The following SIPA1L1 variants were observed in gnomAD, a reference collection of about 807,000 sequenced individuals.
SIPA1L1 encodes signal-induced proliferation-associated 1-like protein 1.
A neutral mutation model predicts 162.7 loss-of-function variants in SIPA1L1; 26 were observed. The ratio of observed to expected loss-of-function variants is 0.16; its 90% CI spans 0.12 to 0.22. SIPA1L1 has a LOEUF of 0.22. Ranked by LOEUF, SIPA1L1 falls within the 10% of genes least tolerant of loss-of-function variation. SIPA1L1 has a pLI of 1.00. For synonymous variants in SIPA1L1, 829 were observed against 837.4 expected (o/e 0.99, Z 0.17); for missense variants, 1,874 against 2,241.0 (o/e 0.84, Z 3.31).
rs139855864 is a variant in SIPA1L1 at position 71,694,792 on chromosome 14, C to T, written c.3375-4189C>T. Among the ~76,000 whole-genome samples the T allele has an allele frequency of 4.0e-4, 61 of 152,316 alleles. No individual in the cohort carries two copies. In the East Asian group the frequency reaches 9.3e-3, roughly 23 times the overall value. ...GCATTAACATCAGACGTTTGGGGCT[C>T]TTTAAGCAGAAAGATCTGGATTTAT... On this transcript the variant is annotated intron_variant, in intron 13 of 23. Coordinates refer to ENST00000381232, the MANE Select transcript of SIPA1L1 (RefSeq NM_001386936.1).
chr14:71,336,561 G>A (rs1052302909), intron 2 of SIPA1L1, among the ~76,000 whole-genome samples: 1 of 152,078 alleles, frequency 6.6e-6, no homozygotes, highest in Non-Finnish European at 1.5e-5. Flanking sequence ...CAGATTTAAG[G>A]ATTCAAAACC....
At chr14:71,621,467 C>T (rs1020804094) in intron 6 of SIPA1L1, among the ~76,000 whole-genome samples, 1 of 152,180 alleles carries the variant, frequency 6.6e-6, no homozygotes, top group African/African-American at 2.4e-5. Context: ...CTCAGATGCC[C>T]GTCATTCCTC....
chr14:71,408,732 C>G (rs1193036621), intron 2 of SIPA1L1, among the ~76,000 whole-genome samples: 3 of 152,192 alleles, frequency 2.0e-5, no homozygotes, highest in African/African-American at 7.2e-5. Context: ...GTAGGAATCT[C>G]TTCCTTAGAA....
chr14:71,492,881 C>T (rs1188885879), intron 2 of SIPA1L1, among the ~76,000 whole-genome samples: 1 of 151,896 alleles, frequency 6.6e-6, no homozygotes, highest in Non-Finnish European at 1.5e-5. Flanking sequence ...CCACCGTGGC[C>T]TCCCAAAGTG....
rs140872739 is a variant in SIPA1L1, at chr14:71,410,909, C to G, written c.-465+89728C>G. ...GGTTAAATACATAGAATTCCTTCCC[C>G]CCTCCCTCCATACCTGTCTTTCTTT... On this transcript the variant is annotated intron_variant, in intron 2 of 23. Transcript: ENST00000381232. Among the ~76,000 whole-genome samples the G allele has an allele frequency of 5.1e-3, 780 of 152,258 alleles. 5 individuals are homozygous for G. Among genetic ancestry groups the G allele is most frequent in the African/African-American group, 0.018 (733 of 41,546 alleles).
intron 13 of SIPA1L1, among the ~76,000 whole-genome samples, chr14:71,693,916 A>G (rs931428481): frequency 2.6e-5 from 4 of 152,134 alleles, no homozygotes; most frequent in Admixed American, 1.3e-4. Flanking sequence ...TCACTTGTTT[A>G]TACCACCAGC....
chr14:71,531,983 A>G (rs2053487068), intron 4 of SIPA1L1, among the ~76,000 whole-genome samples: 1 of 152,210 alleles, frequency 6.6e-6, no homozygotes, highest in African/African-American at 2.4e-5. Context: ...CTGATAAAGT[A>G]TCAGAGAAAA....
At chr14:71,670,438 G>A (rs1422054797) in intron 10 of SIPA1L1, among the ~76,000 whole-genome samples, 1 of 152,030 alleles carries the variant, frequency 6.6e-6, no homozygotes, top group Non-Finnish European at 1.5e-5. Flanking sequence ...AATACCAAAA[G>A]GACCAAGGAA....
chr14:71,647,344 C>T (rs1008051162), intron 7 of SIPA1L1, among the ~76,000 whole-genome samples: 11 of 151,984 alleles, frequency 7.2e-5, no homozygotes, highest in Middle Eastern at 6.8e-3. Context: ...TTCTGCTTGT[C>T]CACTACTTTG....
At chr14:71,394,948 G>A (rs1445539275) in intron 2 of SIPA1L1, among the ~76,000 whole-genome samples, 2 of 152,116 alleles carry the variant, frequency 1.3e-5, no homozygotes, top group Non-Finnish European at 2.9e-5. Context: ...AAAAATTTGG[G>A]TGTTGTCATT....
intron 13 of SIPA1L1, among the ~76,000 whole-genome samples, chr14:71,696,566 G>A (rs371740873): frequency 1.3e-5 from 2 of 152,320 alleles, no homozygotes; most frequent in African/African-American, 4.8e-5. Flanking sequence ...CCCCACCATA[G>A]TTGAGAACTC....
chr14:71,670,623 T>A (rs2044421805), intron 10 of SIPA1L1, among the ~76,000 whole-genome samples: 1 of 152,228 alleles, frequency 6.6e-6, no homozygotes, highest in African/African-American at 2.4e-5. Flanking sequence ...AATTCATTTC[T>A]TTTATGGCAT....
chr14:71,668,258 G>A (rs1200017146), intron 10 of SIPA1L1, among the ~76,000 whole-genome samples: 4 of 152,206 alleles, frequency 2.6e-5, no homozygotes, highest in Admixed American at 2.6e-4. Flanking sequence ...CACCTCAGGA[G>A]TAGGAGGTTT....
At chr14:71,367,322 C>T (rs1239837488) in intron 2 of SIPA1L1, among the ~76,000 whole-genome samples, 89 of 99,670 alleles carry the variant, frequency 8.9e-4, no homozygotes, top group Non-Finnish European at 1.3e-3. Flanking sequence ...TTTTTTTTTT[C>T]CCGATATGGA....
chr14:71,377,676 G>C lies in SIPA1L1; in HGVS notation c.-465+56495G>C, dbSNP rs957593152. Among the ~76,000 whole-genome samples the C allele has an allele frequency of 1.3e-5, 2 of 152,216 alleles. No homozygotes were observed. Among genetic ancestry groups the C allele is most frequent in the African/African-American group, 2.4e-5 (1 of 41,458 alleles). ...GCTGAGATCACGCCACTGCACTCCA[G>C]CGTGGGCAACATTGAGCACTGAGTG... On this transcript the variant is annotated intron_variant, in intron 2 of 23. Transcript: ENST00000381232. This position sits in a 1 kb window ranked among gnomAD's most constrained non-coding sequence, Gnocchi z 4.8.
chr14:71,324,434 A>T (rs1390967047), intron 2 of SIPA1L1, among the ~76,000 whole-genome samples: 1 of 152,088 alleles, frequency 6.6e-6, no homozygotes, highest in Non-Finnish European at 1.5e-5. Context: ...AAATTTTACT[A>T]CTTTCTCCCC....
chr14:71,360,944 G>T (rs912029957), intron 2 of SIPA1L1, among the ~76,000 whole-genome samples: 1 of 152,086 alleles, frequency 6.6e-6, no homozygotes, highest in Non-Finnish European at 1.5e-5. Flanking sequence ...CATATTTTGT[G>T]TCTTTTTCCT....
chr14:71,376,220 A>G (rs1367234266), intron 2 of SIPA1L1, among the ~76,000 whole-genome samples: 4 of 152,138 alleles, frequency 2.6e-5, no homozygotes, highest in Admixed American at 1.3e-4. Context: ...TAAAAAATAT[A>G]TGGCTACTTA....
chr14:71,382,529 C>T (rs1359657721), intron 2 of SIPA1L1, among the ~76,000 whole-genome samples: 4 of 152,162 alleles, frequency 2.6e-5, no homozygotes, highest in Non-Finnish European at 4.4e-5. Flanking sequence ...AGTAGCAGTC[C>T]GAAGGTGACT....
Sources: gnomAD v4.1 joint callset for allele counts (sites outside exome capture counted in the v4.1 genomes callset) on GRCh38, gnomAD v4.1.1 for gene constraint, Gnocchi (gnomAD v3.1) non-coding constraint, MANE v1.5 for transcripts, NCBI Gene and HGNC (gene_info 2026-07-23, HGNC 2026-07-21) for gene names.